Variants in SOX6 observed in about 807,000 individuals in gnomAD.
SOX6 encodes transcription factor SOX-6.
Under a neutral mutation model 97.8 loss-of-function variants are expected in SOX6, and 11 were observed. The observed-to-expected ratio is 0.11, with a 90% confidence interval of 0.07 to 0.19. The LOEUF is 0.19. Among genes scored for constraint, SOX6 ranks in the 10% least tolerant of loss-of-function variants. The pLI is 1.00. For missense variants in SOX6, 810 were observed against 1,039.5 expected, an observed-to-expected ratio of 0.78 and a Z score of 3.04; for synonymous variants, 360 against 371.4, an observed-to-expected ratio of 0.97 and a Z score of 0.35.
At chr11:16,457,144 G>GA (rs1057462188) in intron 1 of SOX6, among the ~76,000 whole-genome samples, 7 of 152,042 alleles carry the variant, frequency 4.6e-5, no homozygotes, top group Non-Finnish European at 8.8e-5. Flanking sequence ...AAGCATTCCT[G>GA]AAAAATATTG....
intron 1 of SOX6, among the ~76,000 whole-genome samples, chr11:16,341,763 C>T (rs297320): frequency 0.88 from 133,713 of 151,964 alleles, 59,162 homozygotes; most frequent in Non-Finnish European, 0.92. Context: ...AATTCATAAT[C>T]AAAGTCCTAA....
intron 1 of SOX6, among the ~76,000 whole-genome samples, chr11:16,415,780 T>G (rs1211946481): frequency 6.6e-6 from 1 of 152,136 alleles, no homozygotes; most frequent in East Asian, 1.9e-4. Flanking sequence ...CTAGCAAACT[T>G]CTAGATTATC....
chr11:16,501,486 T>C (rs183150138), intron 4 of SOX6, among the ~76,000 whole-genome samples: 3,647 of 152,138 alleles, frequency 0.024, 146 homozygotes, highest in African/African-American at 0.083. Flanking sequence ...AAAGAGCTTC[T>C]GCACAGCAAA....
intron 4 of SOX6, among the ~76,000 whole-genome samples, chr11:16,204,188 G>C (rs912364246): frequency 1.3e-5 from 2 of 151,682 alleles, no homozygotes; most frequent in Non-Finnish European, 2.9e-5. Flanking sequence ...AACATACAAA[G>C]AGGATACATG....
chr11:16,011,816 G>T (rs763057923), intron 13 of SOX6, among the ~76,000 whole-genome samples: 2 of 152,014 alleles, frequency 1.3e-5, no homozygotes, highest in Non-Finnish European at 2.9e-5. Context: ...ATGGACTGAG[G>T]GAGAAGACAT....
At chr11:16,187,448 C>T (rs984114351) in intron 4 of SOX6, among the ~76,000 whole-genome samples, 12 of 152,092 alleles carry the variant, frequency 7.9e-5, no homozygotes, top group African/African-American at 2.9e-4. Context: ...AGATATGTCA[C>T]TGAAGTTTAG....
At chr11:16,460,250 G>A (rs1175780486) in intron 1 of SOX6, among the ~76,000 whole-genome samples, 1 of 151,912 alleles carries the variant, frequency 6.6e-6, no homozygotes, top group Non-Finnish European at 1.5e-5. Context: ...TATAAAATGA[G>A]TTTCCCAAGG....
chr11:16,379,381 G>A (rs559203594), intron 1 of SOX6, among the ~76,000 whole-genome samples: 2 of 152,010 alleles, frequency 1.3e-5, no homozygotes, highest in South Asian at 2.1e-4. Flanking sequence ...CAAGAGAATC[G>A]ATTGAACCCG....
At chr11:16,611,076 T>C (rs1328646924) in intron 4 of SOX6, among the ~76,000 whole-genome samples, 2 of 152,224 alleles carry the variant, frequency 1.3e-5, no homozygotes, top group African/African-American at 2.4e-5. Flanking sequence ...GTTGTCCGAA[T>C]GTCCCTGCGC....
At chr11:16,280,101 C>T (rs960795127) in intron 3 of SOX6, among the ~76,000 whole-genome samples, 8 of 152,080 alleles carry the variant, frequency 5.3e-5, no homozygotes, top group African/African-American at 1.7e-4. Context: ...TGCTTGACTC[C>T]ATTAGTCTTA....
In SOX6 at chr11:15,972,176, T is replaced by C. The variant is rs562983382; in HGVS notation, c.*633A>G. On this transcript the variant is annotated 3_prime_UTR_variant, in exon 16 of 16. Coordinates refer to ENST00000683767, the MANE Select transcript of SOX6 (RefSeq NM_001367873.1). ...CTATTTTATTTTAAGATGCCAAAGA[T>C]TGTCTAAGACTTTGCAGTGTCTCCT... 34 of 152,850 alleles carry C rather than the reference T, an allele frequency of 2.2e-4. No homozygotes were observed. Among genetic ancestry groups the C allele is most frequent in the African/African-American group, 6.5e-4 (27 of 41,594 alleles). 9.5% of individuals were successfully genotyped at this position (152,850 alleles called of 1,614,324 possible). A position where few individuals can be genotyped will look rare whatever the true frequency, so the allele number is the denominator to read the frequency against.
chr11:16,177,870 C>T (rs1190553320), intron 6 of SOX6, among the ~76,000 whole-genome samples: 1 of 151,938 alleles, frequency 6.6e-6, no homozygotes, highest in Non-Finnish European at 1.5e-5. Context: ...AGGCACTCTT[C>T]CACTTTAATT....
chr11:16,547,374 A>G (rs926392442), intron 4 of SOX6, among the ~76,000 whole-genome samples: 2 of 152,120 alleles, frequency 1.3e-5, no homozygotes, highest in Admixed American at 6.6e-5. Flanking sequence ...GTGTCCATCA[A>G]TGGAAGAAAA....
chr11:16,249,399 A>C (rs1304533340), intron 3 of SOX6, among the ~76,000 whole-genome samples: 1 of 152,196 alleles, frequency 6.6e-6, no homozygotes, highest in Non-Finnish European at 1.5e-5. Context: ...TCCAGTTCCC[A>C]ACAAGTTCCT....
At chr11:16,411,523 A>C (rs1462817984) in intron 1 of SOX6, among the ~76,000 whole-genome samples, 1 of 152,160 alleles carries the variant, frequency 6.6e-6, no homozygotes, top group Non-Finnish European at 1.5e-5. Flanking sequence ...CATGGATTAA[A>C]AAAAACAGGA....
chr11:16,706,645 A>G (rs1435785730), intron 3 of SOX6, among the ~76,000 whole-genome samples: 1 of 149,464 alleles, frequency 6.7e-6, no homozygotes, highest in African/African-American at 2.5e-5. Flanking sequence ...GCTAAGATAT[A>G]GGGGGTAGGA....
intron 3 of SOX6, among the ~76,000 whole-genome samples, chr11:16,632,181 T>C (rs1216687810): frequency 1.3e-5 from 2 of 152,220 alleles, no homozygotes; most frequent in Admixed American, 6.5e-5. Context: ...TTCCTTTGGT[T>C]CCTTCTCATC....
chr11:16,462,106 G>T (rs1203872455), intron 1 of SOX6, among the ~76,000 whole-genome samples: 1 of 152,210 alleles, frequency 6.6e-6, no homozygotes, highest in African/African-American at 2.4e-5. Context: ...AAAAGGATTT[G>T]TCTTAACTGG....
At chr11:16,514,918 C>T (rs10832630) in intron 4 of SOX6, among the ~76,000 whole-genome samples, 30,408 of 150,336 alleles carry the variant, frequency 0.2, 3,354 homozygotes, top group Admixed American at 0.32. Context: ...GGTGTATATG[C>T]GCCACATTTT....
Sources: gnomAD v4.1 joint callset for allele counts (sites outside exome capture counted in the v4.1 genomes callset) on GRCh38, gnomAD v4.1.1 for gene constraint, MANE v1.5 for transcripts, NCBI Gene and HGNC (gene_info 2026-07-23, HGNC 2026-07-21) for gene names.